TERT: variants seen among roughly 807,000 people sequenced by gnomAD.
TERT encodes the protein telomerase catalytic subunit.
A neutral mutation model predicts 104.0 loss-of-function variants in TERT; 42 were observed. The observed-to-expected ratio is 0.40, with a 90% CI of 0.32 to 0.52. The LOEUF (loss-of-function observed/expected upper bound fraction) is 0.52, where lower values mean the gene tolerates loss of function less well. Among genes scored for constraint, TERT ranks in the 20% least tolerant of loss-of-function variants. TERT has a pLI of 0.43. For missense variants in TERT, 1,101 were observed against 1,610.3 expected (o/e 0.68, Z 5.41); for synonymous variants, 781 against 725.6 (o/e 1.08, Z -1.23).
At position 1,260,561 on chromosome 5, in the gene TERT, G is replaced by A; in HGVS notation, c.2883C>T (p.Asn961=). 2 of 1,614,178 alleles carry A rather than the reference G, an allele frequency of 1.2e-6. No homozygotes were observed. The highest frequency in any genetic ancestry group is 1.7e-5 in the Admixed American group (1 of 60,032). Residue 961 remains asparagine (N), a synonymous_variant, in exon 12 of 16, where the codon AAC becomes AAT. Transcript: ENST00000310581. ...TGTTCCTCCCAGCCTTGAAGCCGCG[G>A]TTGAAGGTGAGACTGGCTCTGATGG... ...RTSIRASLTF[N]RGFKAGRNMR... is the part of the protein sequence containing the mutation.
chr5:1,280,993 G>A (rs528413503), intron 3 of TERT, among the ~76,000 whole-genome samples: 8 of 152,308 alleles, frequency 5.3e-5, no homozygotes, highest in South Asian at 2.1e-4. Context: ...TGCCCTGACC[G>A]CAGGCCGCAG....
intron 3 of TERT, among the ~76,000 whole-genome samples, chr5:1,282,148 C>A (rs1303736109): frequency 2.0e-5 from 3 of 152,142 alleles, no homozygotes; most frequent in Non-Finnish European, 4.4e-5. Context: ...GGCAAGGAGG[C>A]TAGTGGTAGT....
chr5:1,286,665 G>A lies in TERT; in HGVS notation c.1574-4041C>T, dbSNP rs927370634. 6.6e-6 allele frequency among the ~76,000 whole-genome samples: 1 copy of A among 152,114 alleles called. No individual in the cohort carries two copies. Among genetic ancestry groups the A allele is most frequent in the African/African-American group, 2.4e-5 (1 of 41,406 alleles). ...GGCCAAGGCGGGCAGATCACTTGAGGTCAGGAGTTTGAGACCAGCCTGGCC... is the reference window on the plus strand; with the variant it reads ...GGCCAAGGCGGGCAGATCACTTGAGATCAGGAGTTTGAGACCAGCCTGGCC... On this transcript the variant is annotated intron_variant, in intron 2 of 15. Transcript: ENST00000310581. This position sits in a 1 kb window ranked among gnomAD's most constrained non-coding sequence, Gnocchi z 5.3.
intron 12 of TERT, among the ~76,000 whole-genome samples, chr5:1,259,714 A>G (rs548429245): frequency 3.3e-4 from 44 of 132,544 alleles, no homozygotes; most frequent in African/African-American, 1.2e-3. Context: ...AGACGAGTGG[A>G]TGCAGATGCC....
In TERT at chr5:1,265,753, A is replaced by C. The variant is rs1390452491; in HGVS notation, c.2654+711T>G. 6.6e-6 allele frequency among the ~76,000 whole-genome samples: 1 copy of C among 152,030 alleles called. No homozygotes were observed. The highest frequency in any genetic ancestry group is 2.4e-5 in the African/African-American group (1 of 41,390). ...CCACCCCTGGCGGCCACATTTTCTG[A>C]GGGTTCCCTTTACAGCTTTCAAGGT... is the stretch of plus-strand genomic sequence containing the variant. On this transcript the variant is annotated intron_variant, in intron 10 of 15. Coordinates refer to ENST00000310581, the MANE Select transcript of TERT (RefSeq NM_198253.3). The surrounding 1 kb of genome is among the most constrained non-coding windows in gnomAD (Gnocchi z 6.9).
rs1015428951 is a variant in TERT at position 1,262,948 on chromosome 5, C to G, written c.2843+1456G>C. Among the ~76,000 whole-genome samples the G allele has an allele frequency of 2.0e-5, 3 of 152,170 alleles. No individual in the cohort carries two copies. The highest frequency in any genetic ancestry group is 4.4e-5 in the Non-Finnish European group (3 of 68,032). On this transcript the variant is annotated intron_variant, in intron 11 of 15. Coordinates refer to ENST00000310581, the MANE Select transcript of TERT (RefSeq NM_198253.3). The surrounding 1 kb of genome is among the most constrained non-coding windows in gnomAD (Gnocchi z 5.6). ...AAATGTGGAAATCATGCAGACAAAG[C>G]CAGTGGAGGCCAGGACCAGGTAAGG...
chr5:1,289,418 A>G (rs1378677319), intron 2 of TERT, among the ~76,000 whole-genome samples: 18 of 99,142 alleles, frequency 1.8e-4, no homozygotes, highest in African/African-American at 2.8e-4. Flanking sequence ...ACACCCGGGG[A>G]CGGCGCCTCA....
At position 1,292,180 on chromosome 5, in the gene TERT, G is replaced by A. The variant is rs138204582; in HGVS notation, c.1573+1133C>T. On this transcript the variant is annotated intron_variant, in intron 2 of 15. Coordinates refer to ENST00000310581, the MANE Select transcript of TERT (RefSeq NM_198253.3). The surrounding 1 kb of genome is among the most constrained non-coding windows in gnomAD (Gnocchi z 5.5). ...GGTCACCCTCCTTGTCTGCATGGCC[G>A]GAAGTCTTACATGTCTTGGGAGTTT... Among the ~76,000 whole-genome samples, 348 of 152,286 alleles carry A rather than the reference G, an allele frequency of 2.3e-3. 4 individuals are homozygous for A. The highest frequency in any genetic ancestry group is 7.8e-3 in the African/African-American group (322 of 41,548).
rs35621472 is a variant in TERT at position 1,260,867 on chromosome 5, C to A, written c.2844-267G>T. Among the ~76,000 whole-genome samples, 3 of 152,188 alleles carry A rather than the reference C, an allele frequency of 2.0e-5. 1 individual carries two copies. Among genetic ancestry groups the A allele is most frequent in the South Asian group, 4.1e-4 (2 of 4,826 alleles). ...CGCACGGCCGTGTTTGTGCACTCAT[C>A]ATCTGCCCTGATGAGATCTGCACAT... On this transcript the variant is annotated intron_variant, in intron 11 of 15. Transcript: ENST00000310581.
chr5:1,281,974 G>C (rs1281870532), intron 3 of TERT, among the ~76,000 whole-genome samples: 1 of 152,122 alleles, frequency 6.6e-6, no homozygotes, highest in Non-Finnish European at 1.5e-5. Flanking sequence ...TGTAATCCCA[G>C]CTACTTAGGA....
chr5:1,283,411 T>C lies in TERT; in HGVS notation c.1574-787A>G, dbSNP rs542236583. Among the ~76,000 whole-genome samples the C allele has an allele frequency of 8.0e-5, 11 of 138,358 alleles. No homozygotes were observed. The South Asian group carries it at 2.4e-3, about 30-fold the overall frequency. 90.8% of individuals were successfully genotyped at this position (138,358 alleles called of 152,430 possible). A position where few individuals can be genotyped will look rare whatever the true frequency, so the allele number is the denominator to read the frequency against. On this transcript the variant is annotated intron_variant, in intron 2 of 15. Coordinates refer to ENST00000310581, the MANE Select transcript of TERT (RefSeq NM_198253.3). The stretch of plus-strand genomic sequence containing the variant: ...CAGCTCACAGCAGGGCCTGGCGACC[T>C]CACCCCGGACCTGCACCATCCAGAC...
intron 12 of TERT, among the ~76,000 whole-genome samples, chr5:1,259,179 AGGGG>A: frequency 1.5e-5 from 2 of 129,468 alleles, no homozygotes; most frequent in East Asian, 2.5e-4. Flanking sequence ...CCCACAGGAG[AGGGG>A]GAGTGGAGTG....
chr5:1,292,516 A>AC lies in TERT; in HGVS notation c.1573+796dup, dbSNP rs1751058037. Among the ~76,000 whole-genome samples the AC allele has an allele frequency of 8.7e-6, 1 of 114,938 alleles. No individual in the cohort carries two copies. The highest frequency in any genetic ancestry group is 1.9e-5 in the Non-Finnish European group (1 of 52,910). The allele number at this position is 114,938 out of a possible 152,430, so 75.4% of individuals were successfully genotyped here. On this transcript the variant is annotated intron_variant, in intron 2 of 15. Transcript: ENST00000310581. This position sits in a 1 kb window ranked among gnomAD's most constrained non-coding sequence, Gnocchi z 5.5. ...CCCTGTCCTGGCACAATCAACGAAC[A>AC]CTTTTTTTTTTTAAAGACAGAGTTT...
rs773733492 is a variant in TERT, at chr5:1,269,612, C to CA, written c.2469-980dup. On this transcript the variant is annotated intron_variant, in intron 8 of 15. Coordinates refer to ENST00000310581, the MANE Select transcript of TERT (RefSeq NM_198253.3). This position sits in a 1 kb window ranked among gnomAD's most constrained non-coding sequence, Gnocchi z 9.0. ...GGCAGACAACAGTGACGTTCCGTCT[C>CA]AAAAAAAAAAAAAGAAAGAAAAGAA... 0.045 allele frequency among the ~76,000 whole-genome samples: 5,604 copies of CA among 123,654 alleles called. 232 individuals are homozygous for CA. Among genetic ancestry groups the CA allele is most frequent in the African/African-American group, 0.11 (3,811 of 33,702 alleles). 81.1% of individuals were successfully genotyped at this position (123,654 alleles called of 152,430 possible).
rs936430312 is a variant in TERT at position 1,257,148 on chromosome 5, C to T, written c.3032+1450G>A. On this transcript the variant is annotated intron_variant, in intron 13 of 15. Coordinates refer to ENST00000310581, the MANE Select transcript of TERT (RefSeq NM_198253.3). The surrounding 1 kb of genome is among the most constrained non-coding windows in gnomAD (Gnocchi z 5.6). ...CCCAATCAAGCGACTACCCAAGGGT[C>T]CCCACATGGGTGGGGAAACTCAGCC... Among the ~76,000 whole-genome samples, 2 of 152,190 alleles carry T rather than the reference C, an allele frequency of 1.3e-5. No homozygotes were observed. Among genetic ancestry groups the T allele is most frequent in the African/African-American group, 4.8e-5 (2 of 41,454 alleles).
At position 1,260,457 on chromosome 5, in the gene TERT, A is replaced by C; in HGVS notation, c.2970+17T>G. The C allele has an allele frequency of 6.2e-7, 1 of 1,613,738 alleles. No individual in the cohort carries two copies. Among genetic ancestry groups the C allele is most frequent in the Non-Finnish European group, 8.5e-7 (1 of 1,179,890 alleles). ...CTCCTGAACTCTGAACTCTGTGCTG[A>C]CCATCAGCCTGCTCACCTGCAAATC... On this transcript the variant is annotated intron_variant, in intron 12 of 15. Coordinates refer to ENST00000310581, the MANE Select transcript of TERT (RefSeq NM_198253.3).
Position 1,255,436 on chromosome 5 carries a change from G to A in TERT, c.3033-25C>T, listed in dbSNP as rs1264158911. On this transcript the variant is annotated intron_variant, in intron 13 of 15. Coordinates refer to ENST00000310581, the MANE Select transcript of TERT (RefSeq NM_198253.3). This position sits in a 1 kb window ranked among gnomAD's most constrained non-coding sequence, Gnocchi z 6.9. Reference sequence around the variant, plus strand: ...CCTGAGAGGATGGCGGACAGCGTCAGAGGAAAGGCCTCCTAATCAGACGGT... The same window carrying A: ...CCTGAGAGGATGGCGGACAGCGTCAAAGGAAAGGCCTCCTAATCAGACGGT... 13 of 1,613,700 alleles carry A rather than the reference G, an allele frequency of 8.1e-6. No homozygotes were observed. Among genetic ancestry groups the A allele is most frequent in the Non-Finnish European group, 1.1e-5 (13 of 1,179,988 alleles).
At position 1,262,038 on chromosome 5, in the gene TERT, G is replaced by A. The variant is rs1450054178; in HGVS notation, c.2844-1438C>T. On this transcript the variant is annotated intron_variant, in intron 11 of 15. Coordinates refer to ENST00000310581, the MANE Select transcript of TERT (RefSeq NM_198253.3). The surrounding 1 kb of genome is among the most constrained non-coding windows in gnomAD (Gnocchi z 5.6). ...CTCAGGCAAGCTGAGTTTCTCTGCA[G>A]TGAAAGCAATGCCCGTTGCCTCACT... Among the ~76,000 whole-genome samples the A allele has an allele frequency of 2.0e-5, 3 of 152,214 alleles. No homozygotes were observed. Among genetic ancestry groups the A allele is most frequent in the Non-Finnish European group, 2.9e-5 (2 of 68,040 alleles).
At position 1,263,387 on chromosome 5, in the gene TERT, G is replaced by A. The variant is rs1748367297; in HGVS notation, c.2843+1017C>T. ...GAATAAAAAAACACCTGTCCACTAT[G>A]GTTTTGGAATGCTGATACTTTTTTT... is the stretch of plus-strand genomic sequence containing the variant. On this transcript the variant is annotated intron_variant, in intron 11 of 15. Transcript: ENST00000310581. This position sits in a 1 kb window ranked among gnomAD's most constrained non-coding sequence, Gnocchi z 5.3. Among the ~76,000 whole-genome samples the A allele has an allele frequency of 6.6e-6, 1 of 151,874 alleles. No homozygotes were observed. Among genetic ancestry groups the A allele is most frequent in the Admixed American group, 6.6e-5 (1 of 15,254 alleles).
Sources: gnomAD v4.1 joint callset for allele counts (sites outside exome capture counted in the v4.1 genomes callset) on GRCh38, gnomAD v4.1.1 for gene constraint, Gnocchi (gnomAD v3.1) non-coding constraint, MANE v1.5 for transcripts, NCBI Gene and HGNC (gene_info 2026-07-23, HGNC 2026-07-21) for gene names.